DPP10: variants seen among roughly 807,000 people sequenced by gnomAD.
DPP10 encodes the protein inactive dipeptidyl peptidase 10.
Under a neutral mutation model 120.9 loss-of-function variants are expected in DPP10, and 33 were observed. The ratio of observed to expected loss-of-function variants is 0.27; its 90% CI spans 0.21 to 0.37. The LOEUF (loss-of-function observed/expected upper bound fraction) is 0.37, where lower values mean the gene tolerates loss of function less well. Among genes scored for constraint, DPP10 ranks in the 10% least tolerant of loss-of-function variants. DPP10 has a pLI of 1.00. For synonymous variants in DPP10, 337 were observed against 326.1 expected (o/e 1.03, Z -0.36); for missense variants, 816 against 942.8 (o/e 0.87, Z 1.76).
chr2:114,619,866 C>T (rs1693964800), intron 1 of DPP10, among the ~76,000 whole-genome samples: 2 of 151,936 alleles, frequency 1.3e-5, no homozygotes, highest in South Asian at 2.1e-4. Context: ...TCCCTACTGG[C>T]ACCACATTCA....
At chr2:114,844,436 G>A (rs1381440926) in intron 1 of DPP10, among the ~76,000 whole-genome samples, 1 of 151,204 alleles carries the variant, frequency 6.6e-6, no homozygotes, top group African/African-American at 2.4e-5. Context: ...CTAGTATGGA[G>A]GTATTACCAG....
At chr2:115,787,262 A>G (rs1279901839) in intron 17 of DPP10, among the ~76,000 whole-genome samples, 2 of 152,208 alleles carry the variant, frequency 1.3e-5, no homozygotes, top group African/African-American at 4.8e-5. Context: ...AATATTACTC[A>G]TAAATAGGAG....
At chr2:115,599,994 C>T (rs2083224067) in intron 5 of DPP10, among the ~76,000 whole-genome samples, 1 of 152,096 alleles carries the variant, frequency 6.6e-6, no homozygotes, top group Non-Finnish European at 1.5e-5. Flanking sequence ...TTCCTGGTCT[C>T]TCCTTTCTGT....
chr2:115,088,275 G>A (rs558800574), intron 1 of DPP10, among the ~76,000 whole-genome samples: 28 of 152,218 alleles, frequency 1.8e-4, no homozygotes, highest in African/African-American at 6.0e-4. Context: ...TCAGACCATA[G>A]CAGCAGGAGG....
chr2:114,497,164 CACGTGTATACATG>C (rs1682625485), intron 1 of DPP10, among the ~76,000 whole-genome samples: 1 of 145,936 alleles, frequency 6.9e-6, no homozygotes, highest in African/African-American at 2.7e-5. Flanking sequence ...TGTAGGTGTA[CACGTGTATACATG>C]TGTACGTGTA....
At chr2:115,373,337 G>A (rs1489976321) in intron 3 of DPP10, among the ~76,000 whole-genome samples, 1 of 152,200 alleles carries the variant, frequency 6.6e-6, no homozygotes, top group Non-Finnish European at 1.5e-5. Context: ...TCCTTGTACA[G>A]TGCCTTGAAG....
chr2:115,080,085 T>C (rs1708146657), intron 1 of DPP10, among the ~76,000 whole-genome samples: 2 of 152,180 alleles, frequency 1.3e-5, no homozygotes, highest in African/African-American at 2.4e-5. Context: ...TGGTGCCATC[T>C]TGGCTCACTG....
At chr2:115,380,511 G>T (rs1342510906) in intron 3 of DPP10, among the ~76,000 whole-genome samples, 6 of 152,078 alleles carry the variant, frequency 3.9e-5, no homozygotes, top group African/African-American at 1.4e-4. Context: ...TATCCAGTTT[G>T]CCAGTCTGTG....
intron 13 of DPP10, among the ~76,000 whole-genome samples, chr2:115,773,820 T>C (rs920621094): frequency 1.3e-5 from 2 of 152,174 alleles, no homozygotes; most frequent in Admixed American, 6.6e-5. Flanking sequence ...CATATTCTGA[T>C]TGGTATTAAG....
intron 5 of DPP10, among the ~76,000 whole-genome samples, chr2:115,656,902 G>T (rs1029996856): frequency 6.6e-6 from 1 of 151,562 alleles, no homozygotes; most frequent in African/African-American, 2.4e-5. Context: ...GGTTGCCAGG[G>T]ACTGCGTGAG....
intron 1 of DPP10, among the ~76,000 whole-genome samples, chr2:114,446,231 T>A (rs1168827067): frequency 6.6e-6 from 1 of 152,222 alleles, no homozygotes; most frequent in Non-Finnish European, 1.5e-5. Context: ...AAATCTCTGA[T>A]CTTGGTTTAC....
intron 3 of DPP10, among the ~76,000 whole-genome samples, chr2:115,474,283 G>A (rs951976126): frequency 6.6e-6 from 1 of 152,120 alleles, no homozygotes; most frequent in Admixed American, 6.5e-5. Flanking sequence ...AACAAAGAAA[G>A]CATTCATATG....
intron 5 of DPP10, among the ~76,000 whole-genome samples, chr2:115,575,220 CAT>C (rs1365242655): frequency 3.3e-5 from 5 of 152,166 alleles, no homozygotes; most frequent in African/African-American, 1.2e-4. Context: ...TCAAACTGTT[CAT>C]AGTCAGATTT....
intron 1 of DPP10, among the ~76,000 whole-genome samples, chr2:114,515,131 A>G (rs568540964): frequency 6.6e-6 from 1 of 152,326 alleles, no homozygotes; most frequent in South Asian, 2.1e-4. Flanking sequence ...GTGAGCATTT[A>G]TCACCAAGAC....
At chr2:115,187,474 A>T (rs762604269) in intron 1 of DPP10, among the ~76,000 whole-genome samples, 1 of 152,234 alleles carries the variant, frequency 6.6e-6, no homozygotes, top group Non-Finnish European at 1.5e-5. Context: ...CGACAAAGAC[A>T]TACATTTGTG....
chr2:115,610,585 A>G (rs1428953647), intron 5 of DPP10, among the ~76,000 whole-genome samples: 1 of 152,096 alleles, frequency 6.6e-6, no homozygotes, highest in African/African-American at 2.4e-5. Flanking sequence ...CAGAGATCCT[A>G]GTACTTTTAA....
At chr2:114,445,791 A>G (rs545086526) in intron 1 of DPP10, among the ~76,000 whole-genome samples, 4 of 152,250 alleles carry the variant, frequency 2.6e-5, no homozygotes, top group East Asian at 3.9e-4. Flanking sequence ...TCAGACAGTT[A>G]CTGACACACT....
intron 3 of DPP10, among the ~76,000 whole-genome samples, chr2:115,384,696 A>AG (rs1277683336): frequency 4.6e-4 from 64 of 138,650 alleles, no homozygotes; most frequent in African/African-American, 1.7e-3. Context: ...AGAAGAAGAA[A>AG]AAGAAAGAAG....
intron 1 of DPP10, among the ~76,000 whole-genome samples, chr2:114,920,651 A>T (rs1334589568): frequency 6.6e-6 from 1 of 152,214 alleles, no homozygotes; most frequent in East Asian, 1.9e-4. Flanking sequence ...CTAGCCAGAG[A>T]TGTGCACATC....
Sources: gnomAD v4.1 joint callset for allele counts (sites outside exome capture counted in the v4.1 genomes callset) on GRCh38, gnomAD v4.1.1 for gene constraint, MANE v1.5 for transcripts, NCBI Gene and HGNC (gene_info 2026-07-23, HGNC 2026-07-21) for gene names.